Variants in AKT3 observed in about 807,000 individuals in gnomAD.
AKT3 encodes RAC-gamma serine/threonine-protein kinase.
A neutral mutation model predicts 65.3 loss-of-function variants in AKT3; 15 were observed. The observed-to-expected ratio is 0.23, with a 90% CI of 0.15 to 0.35. The LOEUF (loss-of-function observed/expected upper bound fraction) is 0.35, where lower values mean the gene tolerates loss of function less well. Among genes scored for constraint, AKT3 ranks in the 10% least tolerant of loss-of-function variants. The pLI is 1.00. For missense variants in AKT3, 243 were observed against 576.5 expected (o/e 0.42, Z 5.92); for synonymous variants, 206 against 183.8 (o/e 1.12, Z -0.98).
intron 2 of AKT3, among the ~76,000 whole-genome samples, chr1:243,757,097 T>A (rs1312306531): frequency 6.6e-6 from 1 of 152,134 alleles, no homozygotes; most frequent in Admixed American, 6.5e-5. Flanking sequence ...GCCCTGACAA[T>A]CAAATGCACA....
chr1:243,576,872 A>G (rs1029991935), intron 8 of AKT3, among the ~76,000 whole-genome samples: 4 of 152,188 alleles, frequency 2.6e-5, no homozygotes, highest in Admixed American at 2.6e-4. Flanking sequence ...TTAGAAAAAA[A>G]CTATTTTAAA....
intron 2 of AKT3, among the ~76,000 whole-genome samples, chr1:243,784,865 A>G (rs1691147193): frequency 6.6e-6 from 1 of 151,956 alleles, no homozygotes; most frequent in South Asian, 2.1e-4. Context: ...GGCTCAAGGG[A>G]TCCTCCTACC....
intron 5 of AKT3, among the ~76,000 whole-genome samples, chr1:243,641,274 ACACACACACACACACG>A (rs1310820779): frequency 7.1e-6 from 1 of 139,884 alleles, no homozygotes; most frequent in Non-Finnish European, 1.5e-5. Context: ...ATATATATAT[ACACACACACACACACG>A]CACACACACA....
intron 2 of AKT3, among the ~76,000 whole-genome samples, chr1:243,747,291 T>C (rs1688533293): frequency 6.6e-6 from 1 of 152,138 alleles, no homozygotes; most frequent in East Asian, 1.9e-4. Context: ...CAAACAAAAA[T>C]GTCAGAAGTT....
At chr1:243,685,566 G>C (rs953193688) in intron 3 of AKT3, among the ~76,000 whole-genome samples, 14 of 152,158 alleles carry the variant, frequency 9.2e-5, no homozygotes, top group African/African-American at 3.4e-4. Context: ...GTAGCACGCT[G>C]TTTTTGTTAC....
At chr1:243,574,129 A>T (rs1245026134) in intron 8 of AKT3, among the ~76,000 whole-genome samples, 1 of 152,128 alleles carries the variant, frequency 6.6e-6, no homozygotes, top group African/African-American at 2.4e-5. Flanking sequence ...TGGATCATTG[A>T]CTCATAATGT....
In AKT3 at chr1:243,615,099, TA is replaced by T; in HGVS notation, c.623del (p.Leu208Ter). The T allele has an allele frequency of 6.3e-7, 1 of 1,598,830 alleles. No individual in the cohort carries two copies. The highest frequency in any genetic ancestry group is 8.6e-7 in the Non-Finnish European group (1 of 1,168,778). ...RVLKNTRHPFLTSLKYSFQTK... is the reference protein window; with the variant it reads ...RVLKNTRHPFXTSLKYSFQTK... Reference sequence around the variant, plus strand: ...CATCTGTCCTCTAGTCACTTACTGTTAAAAAGGGATGTCTAGTGTTCTTTAA... The same window carrying T: ...CATCTGTCCTCTAGTCACTTACTGTTAAAAGGGATGTCTAGTGTTCTTTAA... On this transcript the variant is annotated frameshift_variant, in exon 7 of 14. Transcript: ENST00000673466. LOFTEE classifies it high-confidence loss of function.
At chr1:243,798,399 T>C (rs1374227165) in intron 2 of AKT3, among the ~76,000 whole-genome samples, 1 of 127,370 alleles carries the variant, frequency 7.9e-6, no homozygotes, top group African/African-American at 3.0e-5. Flanking sequence ...TTTAATTTTT[T>C]TTTTTTTTTT....
At chr1:243,791,238 G>A (rs1558813628) in intron 2 of AKT3, among the ~76,000 whole-genome samples, 3 of 151,190 alleles carry the variant, frequency 2.0e-5, no homozygotes, top group South Asian at 2.1e-4. Context: ...TTGTTTAGGG[G>A]AAAATAAGGG....
intron 2 of AKT3, among the ~76,000 whole-genome samples, chr1:243,755,217 C>T (rs1031017984): frequency 5.3e-5 from 8 of 149,628 alleles, no homozygotes; most frequent in African/African-American, 1.7e-4. Context: ...TACAGGCGGG[C>T]GACACCACGC....
At chr1:243,840,422 G>A (rs560247800) in intron 2 of AKT3, among the ~76,000 whole-genome samples, 28 of 152,174 alleles carry the variant, frequency 1.8e-4, no homozygotes, top group African/African-American at 6.0e-4. Flanking sequence ...TAGGTGACAG[G>A]TTGACAGGTG....
intron 7 of AKT3, 151 bp from the exon 8 acceptor site, chr1:243,613,890 TAA>T (rs1678085550): frequency 2.2e-6 from 1 of 458,028 alleles, no homozygotes; most frequent in Middle Eastern, 5.9e-4. Context: ...TAAAAGTGCT[TAA>T]GAGTTTATGA....
At chr1:243,665,916 C>T (rs557242493) in intron 3 of AKT3, among the ~76,000 whole-genome samples, 1 of 152,286 alleles carries the variant, frequency 6.6e-6, no homozygotes, top group East Asian at 1.9e-4. Context: ...CAGTGCTTAT[C>T]TGCTGTGTCC....
intron 2 of AKT3, among the ~76,000 whole-genome samples, chr1:243,710,062 G>GAAATA (rs1167526322): frequency 6.6e-6 from 1 of 152,082 alleles, no homozygotes; most frequent in Non-Finnish European, 1.5e-5. Context: ...GTCAGACAGT[G>GAAATA]AAATACTCTG....
At chr1:243,849,919 C>T (rs1156749331) in intron 1 of AKT3, 121 bp downstream of exon 1, 3 of 739,836 alleles carry the variant, frequency 4.1e-6, no homozygotes, top group Middle Eastern at 7.0e-4. Context: ...GCCCCCGCCT[C>T]ACCCCACCCC....
At chr1:243,813,599 T>C (rs1214198571) in intron 2 of AKT3, among the ~76,000 whole-genome samples, 1 of 152,130 alleles carries the variant, frequency 6.6e-6, no homozygotes, top group Non-Finnish European at 1.5e-5. Context: ...TCAGGTGACA[T>C]AACCAAATAT....
intron 2 of AKT3, among the ~76,000 whole-genome samples, chr1:243,784,670 A>G (rs1379307532): frequency 6.6e-6 from 1 of 151,938 alleles, no homozygotes; most frequent in Non-Finnish European, 1.5e-5. Flanking sequence ...AGGCACCACA[A>G]TCTCCCTCAC....
At chr1:243,574,409 A>G (rs1315077351) in intron 8 of AKT3, among the ~76,000 whole-genome samples, 2 of 152,138 alleles carry the variant, frequency 1.3e-5, no homozygotes, top group Non-Finnish European at 2.9e-5. Context: ...CAGTCTCTAA[A>G]CTTTAATGCT....
chr1:243,699,677 C>T (rs1324903314), intron 2 of AKT3, among the ~76,000 whole-genome samples: 3 of 151,336 alleles, frequency 2.0e-5, no homozygotes, highest in Non-Finnish European at 4.4e-5. Context: ...GAATGATGTA[C>T]GCACCCTAAT....
Sources: allele counts gnomAD v4.1 joint callset (sites outside exome capture counted in the v4.1 genomes callset), GRCh38; gene constraint gnomAD v4.1.1; transcripts MANE v1.5; gene names NCBI Gene and HGNC (gene_info 2026-07-23, HGNC 2026-07-21).